ST3GAL1: variants seen among roughly 807,000 people sequenced by gnomAD.
ST3GAL1 encodes the protein ST3 beta-galactoside alpha-2,3-sialyltransferase 1, also known as CMP-N-acetylneuraminate-beta-galactosamide-alpha-2,3-sialyltransferase 1.
In ST3GAL1, 16 loss-of-function variants were observed where a neutral mutation model predicts 34.1. The observed-to-expected ratio is 0.47, with a 90% CI of 0.32 to 0.71. The LOEUF (loss-of-function observed/expected upper bound fraction) is 0.71, where lower values mean the gene tolerates loss of function less well. Among genes scored for constraint, ST3GAL1 ranks in the 30% least tolerant of loss-of-function variants. ST3GAL1 has a pLI of 0.04. For missense variants in ST3GAL1, 353 were observed against 447.4 expected (o/e 0.79, Z 1.90); for synonymous variants, 191 against 184.7 (o/e 1.03, Z -0.28).
intron 2 of ST3GAL1, among the ~76,000 whole-genome samples, chr8:133,531,814 GA>G (rs55909710): frequency 0.26 from 25,421 of 98,566 alleles, 2,026 homozygotes; most frequent in Middle Eastern, 0.34. Context: ...CTTAAAAACA[GA>G]AAAAAAAAAA....
At chr8:133,521,197 A>G (rs1195147719) in intron 2 of ST3GAL1, among the ~76,000 whole-genome samples, 1 of 117,146 alleles carries the variant, frequency 8.5e-6, no homozygotes, top group East Asian at 2.7e-4. Flanking sequence ...GCAGTGGTGC[A>G]ATCTTGGCTC....
Position 133,522,885 on chromosome 8 carries a change from C to T in ST3GAL1, c.-429+22889G>A, listed in dbSNP as rs144854347. On this transcript the variant is annotated intron_variant, in intron 2 of 9. Coordinates refer to ENST00000522652, the MANE Select transcript of ST3GAL1 (RefSeq NM_173344.3). ...CACCCTCACCAGGCGAGGGAAGGGGCTCATCTCACTGTCTCTGTCCCTAGA... is the reference window on the plus strand; with the variant it reads ...CACCCTCACCAGGCGAGGGAAGGGGTTCATCTCACTGTCTCTGTCCCTAGA... 3.5e-3 allele frequency among the ~76,000 whole-genome samples: 526 copies of T among 152,278 alleles called. 1 individual carries two copies. The highest frequency in any genetic ancestry group is 0.012 in the African/African-American group (498 of 41,558).
intron 2 of ST3GAL1, among the ~76,000 whole-genome samples, chr8:133,526,689 A>G (rs909854212): frequency 6.6e-6 from 1 of 152,244 alleles, no homozygotes; most frequent in Non-Finnish European, 1.5e-5. Flanking sequence ...TGGGGTAGAA[A>G]TAGCCTGACG....
At position 133,535,522 on chromosome 8, in the gene ST3GAL1, T is replaced by C. The variant is rs1462605548; in HGVS notation, c.-429+10252A>G. On this transcript the variant is annotated intron_variant, in intron 2 of 9. Coordinates refer to ENST00000522652, the MANE Select transcript of ST3GAL1 (RefSeq NM_173344.3). ...GCATTTTTTAGCAAGAAAGTATTTT[T>C]TAATTTTTTTTTTTAGAAACAAGGT... Among the ~76,000 whole-genome samples the C allele has an allele frequency of 2.1e-5, 3 of 142,132 alleles. No individual in the cohort carries two copies. The East Asian group carries it at 7.1e-4, about 34-fold the overall frequency. The allele number at this position is 142,132 out of a possible 152,430, so 93.2% of individuals were successfully genotyped here.
rs987359181 is a variant in ST3GAL1 at position 133,570,778 on chromosome 8, G to A, written c.-582+915C>T. Among the ~76,000 whole-genome samples, 1 of 152,226 alleles carries A rather than the reference G, an allele frequency of 6.6e-6. No individual in the cohort carries two copies. Among genetic ancestry groups the A allele is most frequent in the South Asian group, 2.1e-4 (1 of 4,830 alleles). On this transcript the variant is annotated intron_variant, in intron 1 of 9. Transcript: ENST00000522652. This position sits in a 1 kb window ranked among gnomAD's most constrained non-coding sequence, Gnocchi z 5.6. ...CCAAACTAACTGTACCCTCACCAGA[G>A]CGCCTCGCCCCAGGGTCACCGCTGT... is the stretch of plus-strand genomic sequence containing the variant.
intron 1 of ST3GAL1, among the ~76,000 whole-genome samples, chr8:133,564,519 T>TACACACACACACACACACACAC (rs60855292): frequency 1.8e-4 from 26 of 145,952 alleles, no homozygotes; most frequent in East Asian, 6.1e-4. Flanking sequence ...AAAGAGAAAA[T>TACACACACACACACACACACAC]ACACACACAC....
At chr8:133,499,647 C>A (rs1458387119) in intron 2 of ST3GAL1, among the ~76,000 whole-genome samples, 1 of 152,240 alleles carries the variant, frequency 6.6e-6, no homozygotes, top group South Asian at 2.1e-4. Flanking sequence ...TTTTCTGGGA[C>A]CTGCTGTGTG....
rs1554619445 is a variant in ST3GAL1, at chr8:133,547,018, A to AAG, written c.-581-1093_-581-1092insCT. ...ACTCCATCTCAGGAAAAAAAAAAAAAAAGACTTCATCTGACAGGAAGAATA... is the reference window on the plus strand; with the variant it reads ...ACTCCATCTCAGGAAAAAAAAAAAAAAGAAGACTTCATCTGACAGGAAGAATA... On this transcript the variant is annotated intron_variant, in intron 1 of 9. Coordinates refer to ENST00000522652, the MANE Select transcript of ST3GAL1 (RefSeq NM_173344.3). Among the ~76,000 whole-genome samples the AAG allele has an allele frequency of 6.0e-3, 883 of 147,738 alleles. 11 individuals carry two copies. The highest frequency in any genetic ancestry group is 0.018 in the African/African-American group (706 of 39,960).
intron 3 of ST3GAL1, among the ~76,000 whole-genome samples, chr8:133,483,510 G>A (rs903452517): frequency 5.3e-5 from 8 of 152,116 alleles, no homozygotes; most frequent in African/African-American, 1.7e-4. Flanking sequence ...AAAGGAAAAA[G>A]TCCAGCAGAA....
rs1052217664 is a variant in ST3GAL1, at chr8:133,464,865, C to T, written c.596G>A (p.Gly199Glu). 6.2e-7 allele frequency: 1 copy of T among 1,614,128 alleles called. No individual in the cohort carries two copies. Among genetic ancestry groups the T allele is most frequent in the Non-Finnish European group, 8.5e-7 (1 of 1,180,006 alleles). Residue 199 changes from glycine to glutamate, a missense_variant, in exon 7 of 10, where the codon GGA (glycine) becomes GAA (glutamate). By Grantham distance (98) the Gly-to-Glu change is moderately conservative. Transcript: ENST00000522652. ...LVYPESFREL[G>E]DNVSMILVPF... is the part of the protein sequence containing the mutation. ...CACCAGGATCATGCTGACATTATCT[C>T]CCAGCTCCCGGAAGCTCTCAGGGTA... is the stretch of plus-strand genomic sequence containing the variant.
At chr8:133,503,691 A>T (rs1003316) in intron 2 of ST3GAL1, among the ~76,000 whole-genome samples, 47,583 of 152,012 alleles carry the variant, frequency 0.31, 7,599 homozygotes, top group African/African-American at 0.37. Flanking sequence ...CTTATCGTTA[A>T]CAAGGACTTT....
At chr8:133,499,771 G>C (rs1401565759) in intron 2 of ST3GAL1, among the ~76,000 whole-genome samples, 1 of 152,188 alleles carries the variant, frequency 6.6e-6, no homozygotes, top group East Asian at 1.9e-4. Flanking sequence ...AGGTCGAGCA[G>C]CTCGGCGTAC....
chr8:133,493,335 T>C (rs1056794187), intron 3 of ST3GAL1, among the ~76,000 whole-genome samples: 1 of 152,196 alleles, frequency 6.6e-6, no homozygotes, highest in Non-Finnish European at 1.5e-5. Flanking sequence ...AAACGAAGAC[T>C]GGAAGGGCAG....
intron 5 of ST3GAL1, among the ~76,000 whole-genome samples, 175 bp downstream of exon 5, chr8:133,475,544 G>C (rs956059667): frequency 1.6e-4 from 24 of 152,160 alleles, no homozygotes; most frequent in African/African-American, 5.8e-4. Flanking sequence ...CGGGGACTGA[G>C]CATTTAACTC....
intron 2 of ST3GAL1, among the ~76,000 whole-genome samples, chr8:133,540,844 T>C (rs1321652894): frequency 1.7e-5 from 2 of 116,622 alleles, no homozygotes; most frequent in African/African-American, 6.1e-5. Context: ...TAGAGAGACA[T>C]ATATATAGAG....
chr8:133,562,850 C>CT (rs11374505), intron 1 of ST3GAL1, among the ~76,000 whole-genome samples: 32,082 of 105,914 alleles, frequency 0.3, 6,195 homozygotes, highest in Middle Eastern at 0.4. Context: ...TCCTTTCTTT[C>CT]TTTTTTTTTT....
intron 2 of ST3GAL1, among the ~76,000 whole-genome samples, chr8:133,522,113 G>A (rs17721179): frequency 0.071 from 10,833 of 152,144 alleles, 426 homozygotes; most frequent in Middle Eastern, 0.16. Context: ...AGTCTTTGAC[G>A]TGAGCACTCC....
rs570368473 is a variant in ST3GAL1 at position 133,456,424 on chromosome 8, A to G, written c.*3340T>C. On this transcript the variant is annotated 3_prime_UTR_variant, in exon 10 of 10. Coordinates refer to ENST00000522652, the MANE Select transcript of ST3GAL1 (RefSeq NM_173344.3). ...TGCCTGAATGCAGGGCCAGTCTCCA[A>G]GGAACTCTGTCTGCAGAGTAGAAAG... The G allele has an allele frequency of 1.3e-5, 2 of 152,362 alleles. No individual in the cohort carries two copies. The highest frequency in any genetic ancestry group is 1.5e-5 in the Non-Finnish European group (1 of 68,054). 9.4% of individuals were successfully genotyped at this position (152,362 alleles called of 1,614,324 possible).
At position 133,459,712 on chromosome 8, in the gene ST3GAL1, G is replaced by A; in HGVS notation, c.*52C>T. 1 of 1,544,748 alleles carries A rather than the reference G, an allele frequency of 6.5e-7. No individual in the cohort carries two copies. Among genetic ancestry groups the A allele is most frequent in the Admixed American group, 1.8e-5 (1 of 54,580 alleles). ...TGGAACGGCTCCAGCAAGATGCTGG[G>A]GCTGGAAATGCAGAGGTGTGACAGT... On this transcript the variant is annotated 3_prime_UTR_variant, in exon 10 of 10. Transcript: ENST00000522652. This position sits in a 1 kb window ranked among gnomAD's most constrained non-coding sequence, Gnocchi z 4.7.
Sources: gnomAD v4.1 joint callset for allele counts (sites outside exome capture counted in the v4.1 genomes callset) on GRCh38, gnomAD v4.1.1 for gene constraint, Gnocchi (gnomAD v3.1) non-coding constraint, MANE v1.5 for transcripts, NCBI Gene and HGNC (gene_info 2026-07-23, HGNC 2026-07-21) for gene names.